Variants in ZFPM2 observed in about 807,000 individuals in gnomAD.
ZFPM2 encodes the protein zinc finger protein ZFPM2.
ZFPM2 carries 20 observed loss-of-function variants against 98.6 expected under a neutral mutation model. The observed-to-expected ratio is 0.20, with a 90% CI of 0.14 to 0.29. The LOEUF (loss-of-function observed/expected upper bound fraction) is 0.29. ZFPM2 is among the 10% of genes least tolerant of loss of function. The pLI, the probability that ZFPM2 is intolerant of heterozygous loss-of-function variation, is 1.00. For missense variants in ZFPM2, 1,310 were observed against 1,388.6 expected (o/e 0.94, Z 0.90); for synonymous variants, 518 against 502.7 (o/e 1.03, Z -0.41).
At chr8:105,354,515 T>C (rs1812704913) in intron 1 of ZFPM2, among the ~76,000 whole-genome samples, 1 of 152,228 alleles carries the variant, frequency 6.6e-6, no homozygotes, top group South Asian at 2.1e-4. Context: ...ACCCTGAGTA[T>C]TTGGAAAGTG....
At chr8:105,622,460 T>C (rs1816571640) in intron 4 of ZFPM2, among the ~76,000 whole-genome samples, 1 of 152,192 alleles carries the variant, frequency 6.6e-6, no homozygotes, top group African/African-American at 2.4e-5. Context: ...AGGTTTACAA[T>C]GAGCACAGAG....
chr8:105,664,834 T>C (rs2130892963), intron 5 of ZFPM2, among the ~76,000 whole-genome samples: 1 of 152,254 alleles, frequency 6.6e-6, no homozygotes, highest in South Asian at 2.1e-4. Flanking sequence ...TGAAGTACTG[T>C]GGTTTTATTA....
intron 4 of ZFPM2, among the ~76,000 whole-genome samples, chr8:105,561,936 T>G (rs1212146652): frequency 6.6e-6 from 1 of 152,146 alleles, no homozygotes; most frequent in East Asian, 1.9e-4. Context: ...TTATTCAGCT[T>G]TTTTGTAAAA....
chr8:105,617,568 C>T (rs1260521216), intron 4 of ZFPM2, among the ~76,000 whole-genome samples: 3 of 152,098 alleles, frequency 2.0e-5, no homozygotes, highest in African/African-American at 4.8e-5. Context: ...CCGGCCAGAC[C>T]GCCTGCTCAG....
intron 2 of ZFPM2, among the ~76,000 whole-genome samples, chr8:105,432,405 C>T (rs1219886706): frequency 4.6e-5 from 7 of 152,128 alleles, no homozygotes; most frequent in Non-Finnish European, 7.4e-5. Flanking sequence ...TAGGCCTATG[C>T]GTTCTCTATT....
intron 3 of ZFPM2, among the ~76,000 whole-genome samples, chr8:105,552,907 T>G (rs770424263): frequency 4.7e-5 from 7 of 147,862 alleles, no homozygotes; most frequent in Non-Finnish European, 1.0e-4. Flanking sequence ...CCCCCCGGGC[T>G]CAAGCAATCC....
At chr8:105,767,538 T>C (rs1471175408) in intron 5 of ZFPM2, among the ~76,000 whole-genome samples, 2 of 151,806 alleles carry the variant, frequency 1.3e-5, no homozygotes, top group Admixed American at 1.3e-4. Context: ...GAGATCAAGT[T>C]GCAGTAATTA....
intron 4 of ZFPM2, among the ~76,000 whole-genome samples, chr8:105,595,197 C>G (rs1231621785): frequency 6.6e-6 from 1 of 152,112 alleles, no homozygotes; most frequent in Non-Finnish European, 1.5e-5. Context: ...AGCTTCAACA[C>G]ATTTTGGTCT....
intron 3 of ZFPM2, among the ~76,000 whole-genome samples, chr8:105,529,982 C>T (rs778924992): frequency 3.3e-5 from 5 of 152,042 alleles, no homozygotes; most frequent in East Asian, 1.9e-4. Context: ...CCACCTGCCT[C>T]GGCCTCCCAC....
chr8:105,691,136 T>C (rs1234203952), intron 5 of ZFPM2, among the ~76,000 whole-genome samples: 6 of 151,966 alleles, frequency 3.9e-5, no homozygotes, highest in Admixed American at 2.0e-4. Flanking sequence ...TATTCCTCTT[T>C]CCTTAATTAT....
intron 3 of ZFPM2, among the ~76,000 whole-genome samples, chr8:105,469,172 A>G (rs1812850037): frequency 6.6e-6 from 1 of 152,172 alleles, no homozygotes; most frequent in African/African-American, 2.4e-5. Flanking sequence ...TTGCCCACTT[A>G]TATAATAAGT....
chr8:105,801,892 A>G lies in ZFPM2; in HGVS notation c.1810A>G (p.Ile604Val), dbSNP rs748441346. ...GAGTCCCAACACTGGCCAAACCTCC[A>G]TAAACCTTCTCAACCCAGCTGCTCA... ...ALSPNTGQTSINLLNPAAHSA... is the reference protein window; with the variant it reads ...ALSPNTGQTSVNLLNPAAHSA... Residue 604 changes from isoleucine (I) to valine (V), a missense_variant, in exon 8 of 8, where the codon ATA (isoleucine) becomes GTA (valine). Transcript: ENST00000407775. The G allele has an allele frequency of 1.9e-6, 3 of 1,614,008 alleles. No homozygotes were observed. The highest frequency in any genetic ancestry group is 2.5e-6 in the Non-Finnish European group (3 of 1,179,874).
At chr8:105,327,115 A>G (rs1812129140) in intron 1 of ZFPM2, among the ~76,000 whole-genome samples, 1 of 151,458 alleles carries the variant, frequency 6.6e-6, no homozygotes, top group Admixed American at 6.6e-5. Flanking sequence ...ACATTTGGAA[A>G]ACTTTTGTGG....
At chr8:105,349,905 T>C (rs913862085) in intron 1 of ZFPM2, among the ~76,000 whole-genome samples, 4 of 152,204 alleles carry the variant, frequency 2.6e-5, no homozygotes, top group African/African-American at 9.6e-5. Flanking sequence ...TCCTGCTCTG[T>C]AGTCTCTCAG....
chr8:105,477,310 T>C (rs1270756593), intron 3 of ZFPM2, among the ~76,000 whole-genome samples: 1 of 145,762 alleles, frequency 6.9e-6, no homozygotes, highest in Non-Finnish European at 1.5e-5. Flanking sequence ...AGTGGTGCGA[T>C]CTCAGCTCAC....
intron 5 of ZFPM2, among the ~76,000 whole-genome samples, chr8:105,774,210 C>T (rs1813045511): frequency 6.6e-6 from 1 of 152,128 alleles, no homozygotes; most frequent in Non-Finnish European, 1.5e-5. Context: ...CTGTGTGCCA[C>T]TCCCACTGTT....
In ZFPM2 at chr8:105,802,315, T is replaced by A; in HGVS notation, c.2233T>A (p.Cys745Ser). 6.2e-7 allele frequency: 1 copy of A among 1,613,816 alleles called. No individual in the cohort carries two copies. The highest frequency in any genetic ancestry group is 8.5e-7 in the Non-Finnish European group (1 of 1,179,828). ...TRKRRKMYEMCLPEQEQRPPL... is the reference protein window; with the variant it reads ...TRKRRKMYEMSLPEQEQRPPL... Reference sequence around the variant, plus strand: ...CAAGCGCAGAAAGATGTATGAGATGTGCCTACCTGAGCAGGAACAAAGGCC... The same window carrying A: ...CAAGCGCAGAAAGATGTATGAGATGAGCCTACCTGAGCAGGAACAAAGGCC... The change falls in exon 8 of 8, where the codon TGC becomes AGC. Residue 745 changes from cysteine (C) to serine (S), a missense_variant. Transcript: ENST00000407775.
chr8:105,391,561 C>T (rs956404336), intron 1 of ZFPM2, among the ~76,000 whole-genome samples: 1 of 152,186 alleles, frequency 6.6e-6, no homozygotes, highest in African/African-American at 2.4e-5. Context: ...CCTCACACAC[C>T]CTACTTATGC....
At chr8:105,397,980 T>C (rs572054129) in intron 1 of ZFPM2, among the ~76,000 whole-genome samples, 9 of 152,156 alleles carry the variant, frequency 5.9e-5, no homozygotes, top group Non-Finnish European at 1.2e-4. Flanking sequence ...GCCACAGATA[T>C]TATTTGTTAA....
Sources: allele counts gnomAD v4.1 joint callset (sites outside exome capture counted in the v4.1 genomes callset), GRCh38; gene constraint gnomAD v4.1.1; transcripts MANE v1.5; gene names NCBI Gene and HGNC (gene_info 2026-07-23, HGNC 2026-07-21).